SRGAP3: variants seen among roughly 807,000 people sequenced by gnomAD.
SRGAP3 encodes the protein SLIT-ROBO Rho GTPase activating protein 3, also known as SLIT-ROBO Rho GTPase-activating protein 3.
A neutral mutation model predicts 121.1 loss-of-function variants in SRGAP3; 39 were observed. The ratio of observed to expected loss-of-function variants is 0.32; its 90% CI spans 0.25 to 0.42. The LOEUF (loss-of-function observed/expected upper bound fraction) is 0.42. SRGAP3 is among the 10% of genes least tolerant of loss of function. The pLI, the probability that SRGAP3 is intolerant of heterozygous loss-of-function variation, is 1.00. For synonymous variants in SRGAP3, 601 were observed against 570.0 expected (o/e 1.05, Z -0.77); for missense variants, 1,213 against 1,470.6 (o/e 0.82, Z 2.86).
intron 1 of SRGAP3, among the ~76,000 whole-genome samples, chr3:9,164,730 A>G (rs1950723058): frequency 6.6e-6 from 1 of 152,218 alleles, no homozygotes; most frequent in Admixed American, 6.5e-5. Context: ...GCCAAACAAT[A>G]TAGGTATTTC....
chr3:9,210,804 T>C (rs1952421458), intron 1 of SRGAP3, among the ~76,000 whole-genome samples: 2 of 152,204 alleles, frequency 1.3e-5, no homozygotes, highest in Non-Finnish European at 2.9e-5. Flanking sequence ...CACTCCAGCC[T>C]GGGTCACAGA....
At chr3:9,330,559 AC>A (rs1337567929) in exon 2 of SRGAP3, 1 of 156,362 alleles carries the variant, frequency 6.4e-6, no homozygotes, top group African/African-American at 2.4e-5. Context: ...CCTGGGCGTC[AC>A]CAGAAGCTCC....
At chr3:9,038,201 T>C in intron 10 of SRGAP3, 111 bp from the exon 11 acceptor site, 3 of 1,431,498 alleles carry the variant, frequency 2.1e-6, no homozygotes, top group Admixed American at 1.8e-5. Flanking sequence ...TTATGAAATA[T>C]GAAATCTAAT....
intron 1 of SRGAP3, among the ~76,000 whole-genome samples, chr3:9,141,894 T>G (rs1458505782): frequency 6.6e-6 from 1 of 152,180 alleles, no homozygotes; most frequent in Non-Finnish European, 1.5e-5. Context: ...CCAAGTACCT[T>G]CTCAAATGCT....
chr3:9,008,149 A>C (rs1042213027), intron 18 of SRGAP3: 1 of 152,286 alleles, frequency 6.6e-6, no homozygotes, highest in African/African-American at 2.4e-5. Flanking sequence ...TGACTCATGC[A>C]TTCTGGGGGC....
chr3:9,107,707 G>A (rs1022663597), intron 2 of SRGAP3, among the ~76,000 whole-genome samples: 1 of 152,224 alleles, frequency 6.6e-6, no homozygotes, highest in Non-Finnish European at 1.5e-5. Flanking sequence ...GCTGGGCCCA[G>A]AATCTGTGTT....
intron 3 of SRGAP3, among the ~76,000 whole-genome samples, chr3:9,287,011 G>T (rs34266510): frequency 0.98 from 115,499 of 117,338 alleles, 56,830 homozygotes; most frequent in East Asian, 1. Context: ...TTTTTTTTTG[G>T]GACAGGGTCT....
rs775723391 is a variant in SRGAP3, at chr3:9,060,312, C to T, written c.720G>A (p.Arg240=). The T allele has an allele frequency of 1.9e-6, 3 of 1,614,046 alleles. No individual in the cohort carries two copies. In the South Asian group the frequency reaches 3.3e-5, roughly 18 times the overall value. ...CTGCCAGATTGAGCAAGTAGTCATT[C>T]CGGGCCTTTGTGCATTTCAGCTTGT... is the stretch of plus-strand genomic sequence containing the variant. The part of the protein sequence containing the change: ...SENKLKCTKA[R]NDYLLNLAAT... The change falls in exon 6 of 22, where the codon CGG becomes CGA. Residue 240 remains arginine (R), a synonymous_variant. Coordinates refer to ENST00000383836, the MANE Select transcript of SRGAP3 (RefSeq NM_014850.4).
chr3:9,272,975 G>C (rs1361877756), intron 3 of SRGAP3, among the ~76,000 whole-genome samples: 1 of 152,182 alleles, frequency 6.6e-6, no homozygotes, highest in Non-Finnish European at 1.5e-5. Context: ...ATCCTAATGG[G>C]TGTAAGGTTG....
At chr3:9,092,409 T>C (rs1947795982) in intron 3 of SRGAP3, among the ~76,000 whole-genome samples, 1 of 152,226 alleles carries the variant, frequency 6.6e-6, no homozygotes, top group Admixed American at 6.5e-5. Flanking sequence ...ATAGTTATTG[T>C]TTCTTGATGT....
rs756291568 is a variant in SRGAP3, at chr3:8,985,089, CATAA to C, written c.*426_*429del. ...CAGATCTAGTATATGTATATAGATG[CATAA>C]ATATATATATATATACACACACCTA... On this transcript the variant is annotated 3_prime_UTR_variant, in exon 22 of 22. Coordinates refer to ENST00000383836, the MANE Select transcript of SRGAP3 (RefSeq NM_014850.4). The surrounding 1 kb of genome is among the most constrained non-coding windows in gnomAD (Gnocchi z 5.1). The C allele has an allele frequency of 3.7e-5, 9 of 241,488 alleles. No individual in the cohort carries two copies. Among genetic ancestry groups the C allele is most frequent in the East Asian group, 6.0e-5 (1 of 16,670 alleles). The allele number at this position is 241,488 out of a possible 1,614,324, so 15.0% of individuals were successfully genotyped here.
chr3:8,998,842 C>A (rs1942573048), intron 18 of SRGAP3, among the ~76,000 whole-genome samples: 1 of 152,100 alleles, frequency 6.6e-6, no homozygotes, highest in Admixed American at 6.5e-5. Context: ...GAGGCACTAC[C>A]CTCATTTCAT....
At chr3:9,081,184 C>T in intron 3 of SRGAP3, 1 of 455,324 alleles carries the variant, frequency 2.2e-6, no homozygotes. Context: ...ATGCCCTAAC[C>T]TTAGTTTGAC....
At chr3:9,250,973 G>A (rs1057200271), upstream of SRGAP3, among the ~76,000 whole-genome samples, 10 of 152,188 alleles carry the variant, frequency 6.6e-5, no homozygotes, top group Non-Finnish European at 1.3e-4. Flanking sequence ...TGAGATAAAT[G>A]TTCCCAAATT....
upstream of SRGAP3, among the ~76,000 whole-genome samples, chr3:9,251,128 C>A (rs2125250825): frequency 6.6e-6 from 1 of 152,286 alleles, no homozygotes; most frequent in Admixed American, 6.5e-5. Context: ...CGTCCCCAGG[C>A]AAGTATGGCA....
chr3:9,168,688 G>C (rs1950877803), intron 1 of SRGAP3, among the ~76,000 whole-genome samples: 1 of 152,200 alleles, frequency 6.6e-6, no homozygotes, highest in Non-Finnish European at 1.5e-5. Flanking sequence ...TAAAAGATGT[G>C]TTTCTTAAAC....
At chr3:9,115,525 T>A (rs1406305225) in intron 2 of SRGAP3, among the ~76,000 whole-genome samples, 1 of 152,150 alleles carries the variant, frequency 6.6e-6, no homozygotes, top group Non-Finnish European at 1.5e-5. Flanking sequence ...GGGAATTTGG[T>A]GTGGGACCTG....
chr3:9,092,154 G>A (rs1947784376), intron 3 of SRGAP3, among the ~76,000 whole-genome samples: 1 of 151,936 alleles, frequency 6.6e-6, no homozygotes, highest in Non-Finnish European at 1.5e-5. Flanking sequence ...GCTTACTTTG[G>A]GACCCTGTTT....
At chr3:9,184,444 G>GTA (rs1193736372) in intron 1 of SRGAP3, among the ~76,000 whole-genome samples, 1 of 152,138 alleles carries the variant, frequency 6.6e-6, no homozygotes, top group Non-Finnish European at 1.5e-5. Flanking sequence ...ACAGGGATAA[G>GTA]TAGACCTCAA....
Sources: gnomAD v4.1 joint callset for allele counts (sites outside exome capture counted in the v4.1 genomes callset) on GRCh38, gnomAD v4.1.1 for gene constraint, Gnocchi (gnomAD v3.1) non-coding constraint, MANE v1.5 for transcripts, NCBI Gene and HGNC (gene_info 2026-07-23, HGNC 2026-07-21) for gene names.